RAVER2: variants seen among roughly 807,000 people sequenced by gnomAD.
RAVER2 encodes the protein ribonucleoprotein, PTB binding 2, also known as ribonucleoprotein PTB-binding 2.
A neutral mutation model predicts 78.1 loss-of-function variants in RAVER2; 46 were observed. That is an observed-to-expected ratio of 0.59 (90% confidence interval 0.46 to 0.75). The LOEUF is 0.75. Ranked by LOEUF, RAVER2 falls within the 30% of genes least tolerant of loss-of-function variation. RAVER2 has a pLI of 0.00. For missense variants in RAVER2, 793 were observed against 837.5 expected, an observed-to-expected ratio of 0.95 and a Z score of 0.66; for synonymous variants, 311 against 313.3, an observed-to-expected ratio of 0.99 and a Z score of 0.08.
At chr1:64,803,098 T>C (rs1487524778) in intron 6 of RAVER2, 37 bp downstream of exon 6, 1 of 1,417,632 alleles carries the variant, frequency 7.1e-7, no homozygotes, top group African/African-American at 1.4e-5. Context: ...GCATTAAATA[T>C]TCGGAGTGAA....
At chr1:64,808,479 T>TTTTTTTA (rs1653507823) in intron 9 of RAVER2, among the ~76,000 whole-genome samples, 1 of 146,854 alleles carries the variant, frequency 6.8e-6, no homozygotes, top group African/African-American at 2.5e-5. Context: ...TTTTTTTTTT[T>TTTTTTTA]GAGACCAAGT....
In RAVER2 at chr1:64,794,954, A is replaced by C. The variant is rs1343078172; in HGVS notation, c.1105+5440A>C. On this transcript the variant is annotated intron_variant, in intron 5 of 11. Transcript: ENST00000294428. ...AGAAAGTTTTATAATTTTTATCCCT[A>C]TATTTAGGTCTATGATCTATTTTGA... 1.3e-5 allele frequency among the ~76,000 whole-genome samples: 2 copies of C among 152,096 alleles called. 1 individual carries two copies. The highest frequency in any genetic ancestry group is 4.8e-5 in the African/African-American group (2 of 41,450).
chr1:64,797,179 C>T (rs866436196), intron 5 of RAVER2, among the ~76,000 whole-genome samples: 5 of 152,090 alleles, frequency 3.3e-5, no homozygotes, highest in African/African-American at 7.2e-5. Context: ...ATATATGTTC[C>T]GCTCTTACTG....
intron 1 of RAVER2, among the ~76,000 whole-genome samples, chr1:64,766,752 A>G (rs1047761258): frequency 6.6e-6 from 1 of 152,140 alleles, no homozygotes; most frequent in Non-Finnish European, 1.5e-5. Context: ...GAGAGATTAG[A>G]TTCTATGCAA....
At chr1:64,781,246 TAAAG>T (rs1652616676) in intron 3 of RAVER2, 130 bp from the exon 4 acceptor site, 6 of 806,714 alleles carry the variant, frequency 7.4e-6, no homozygotes, top group Admixed American at 3.4e-5. Flanking sequence ...AACATTTTCA[TAAAG>T]AAAGAATATG....
At chr1:64,807,546 C>G in intron 9 of RAVER2, 72 bp downstream of exon 9, 1 of 1,349,776 alleles carries the variant, frequency 7.4e-7, no homozygotes, top group Non-Finnish European at 9.8e-7. Context: ...TAAATTATGT[C>G]TTAAATTGTC....
At position 64,745,226 on chromosome 1, in the gene RAVER2, C is replaced by T; in HGVS notation, c.54C>T (p.Ser18=). The change falls in exon 1 of 12, where the codon AGC becomes AGT. Residue 18 remains serine (S), a synonymous_variant. Transcript: ENST00000294428. The surrounding 1 kb of genome is among the most constrained non-coding windows in gnomAD (Gnocchi z 4.3). Reference sequence around the variant, plus strand: ...GCGAGGGGGGCGCGGGCCTGGGCAGCGCGGCGGGGCTGGGGCCGGGGCCGG... The same window carrying T: ...GCGAGGGGGGCGCGGGCCTGGGCAGTGCGGCGGGGCTGGGGCCGGGGCCGG... 1 of 1,093,380 alleles carries T rather than the reference C, an allele frequency of 9.1e-7. No homozygotes were observed. The highest frequency in any genetic ancestry group is 1.1e-6 in the Non-Finnish European group (1 of 898,844). 67.7% of individuals were successfully genotyped at this position (1,093,380 alleles called of 1,614,324 possible).
At chr1:64,803,138 C>T (rs1653314700) in intron 6 of RAVER2, 77 bp downstream of exon 6, 2 of 1,085,280 alleles carry the variant, frequency 1.8e-6, no homozygotes, top group Non-Finnish European at 2.7e-6. Context: ...ACTTAAAGTT[C>T]TCAAGAAATT....
intron 2 of RAVER2, among the ~76,000 whole-genome samples, chr1:64,777,323 C>T (rs1652492363): frequency 6.6e-6 from 1 of 151,948 alleles, no homozygotes; most frequent in African/African-American, 2.4e-5. Context: ...GAAAAGACTA[C>T]CAAAAACCCC....
intron 2 of RAVER2, among the ~76,000 whole-genome samples, chr1:64,769,776 T>G (rs1180480790): frequency 1.3e-5 from 2 of 152,032 alleles, no homozygotes; most frequent in South Asian, 2.1e-4. Flanking sequence ...GCAGCATGAA[T>G]CAGAAGAAAG....
intron 2 of RAVER2, among the ~76,000 whole-genome samples, chr1:64,773,509 C>G (rs138179386): frequency 0.023 from 3,539 of 152,272 alleles, 130 homozygotes; most frequent in African/African-American, 0.079. Context: ...AGGACATGAA[C>G]TCATCCTTTT....
At chr1:64,768,512 G>A (rs991384152) in intron 1 of RAVER2, 144 bp from the exon 2 acceptor site, 1 of 622,496 alleles carries the variant, frequency 1.6e-6, no homozygotes, top group East Asian at 2.8e-5. Flanking sequence ...ATTTAAGTAA[G>A]TAATGGGGAT....
At chr1:64,769,803 G>T (rs1652266026) in intron 2 of RAVER2, among the ~76,000 whole-genome samples, 1 of 151,996 alleles carries the variant, frequency 6.6e-6, no homozygotes, top group African/African-American at 2.4e-5. Flanking sequence ...GTTTTGTTAT[G>T]CCATTGAGAT....
exon 3 of RAVER2, chr1:64,777,623 C>T: frequency 6.3e-7 from 1 of 1,595,454 alleles, no homozygotes; most frequent in African/African-American, 1.4e-5. Flanking sequence ...TATCTTCCAG[C>T]TTTTGTTACC....
At chr1:64,778,712 TAC>T (rs1288514083) in intron 3 of RAVER2, among the ~76,000 whole-genome samples, 1 of 149,058 alleles carries the variant, frequency 6.7e-6, no homozygotes, top group African/African-American at 2.5e-5. Flanking sequence ...TATATATATA[TAC>T]TATATATAAC....
intron 11 of RAVER2, among the ~76,000 whole-genome samples, chr1:64,828,234 T>G (rs1006570710): frequency 7.1e-6 from 1 of 140,706 alleles, no homozygotes; most frequent in Non-Finnish European, 1.5e-5. Context: ...TTTGTCAAAG[T>G]GACAGTCCCC....
intron 4 of RAVER2, among the ~76,000 whole-genome samples, chr1:64,786,058 T>C (rs1652772077): frequency 6.6e-6 from 1 of 152,216 alleles, no homozygotes; most frequent in Non-Finnish European, 1.5e-5. Flanking sequence ...AAATCTAGGC[T>C]CAGAGTTCTT....
At chr1:64,788,205 G>A (rs1461071158) in intron 4 of RAVER2, among the ~76,000 whole-genome samples, 1 of 152,176 alleles carries the variant, frequency 6.6e-6, no homozygotes, top group East Asian at 1.9e-4. Flanking sequence ...GGGCACGGTG[G>A]CTTATGCCTG....
At chr1:64,778,310 C>T (rs1393593817) in intron 3 of RAVER2, among the ~76,000 whole-genome samples, 2 of 152,124 alleles carry the variant, frequency 1.3e-5, no homozygotes, top group Non-Finnish European at 2.9e-5. Context: ...TATGCCTTAG[C>T]AAATCCATTG....
Sources: gnomAD v4.1 joint callset for allele counts (sites outside exome capture counted in the v4.1 genomes callset) on GRCh38, gnomAD v4.1.1 for gene constraint, Gnocchi (gnomAD v3.1) non-coding constraint, MANE v1.5 for transcripts, NCBI Gene and HGNC (gene_info 2026-07-23, HGNC 2026-07-21) for gene names.